The following MCC variants were observed in gnomAD, a reference collection of about 807,000 sequenced individuals.
The protein encoded by MCC is colorectal mutant cancer protein.
Under a neutral mutation model 116.2 loss-of-function variants are expected in MCC, and 90 were observed. The observed-to-expected ratio is 0.77, with a 90% confidence interval of 0.65 to 0.92. MCC has a LOEUF of 0.92. Among genes scored for constraint, MCC ranks in the 40% least tolerant of loss-of-function variants. The probability of loss-of-function intolerance (pLI) is 0.00; values close to 1 mark genes in which losing one functional copy is unlikely to be tolerated. For missense variants in MCC, 1,516 were observed against 1,312.2 expected (o/e 1.16, Z -2.40); for synonymous variants, 578 against 510.5 (o/e 1.13, Z -1.78).
intron 2 of MCC, among the ~76,000 whole-genome samples, chr5:113,348,021 A>G (rs1406736173): frequency 2.6e-5 from 4 of 152,038 alleles, no homozygotes; most frequent in Non-Finnish European, 4.4e-5. Context: ...GCAAGAGGAT[A>G]TAACAATTGT....
intron 3 of MCC, among the ~76,000 whole-genome samples, chr5:113,195,027 G>A (rs1270986592): frequency 6.6e-6 from 1 of 152,202 alleles, no homozygotes; most frequent in Non-Finnish European, 1.5e-5. Context: ...TGCCCCAGAA[G>A]CATCCATGCC....
At chr5:113,036,694 G>A (rs923967696) in intron 17 of MCC, among the ~76,000 whole-genome samples, 3 of 152,188 alleles carry the variant, frequency 2.0e-5, no homozygotes, top group Non-Finnish European at 4.4e-5. Context: ...AGTGGCTGCT[G>A]GGTGTTCCAG....
intron 1 of MCC, among the ~76,000 whole-genome samples, chr5:113,438,331 A>G (rs1770923179): frequency 6.6e-6 from 1 of 152,184 alleles, no homozygotes; most frequent in Non-Finnish European, 1.5e-5. Context: ...TGAGGCAATT[A>G]AGAGCATCAG....
intron 3 of MCC, among the ~76,000 whole-genome samples, chr5:113,284,083 G>GT (rs1272414056): frequency 2.6e-5 from 4 of 152,146 alleles, no homozygotes; most frequent in Admixed American, 6.5e-5. Flanking sequence ...ATTGACTTAT[G>GT]TTATCAGTAA....
intron 2 of MCC, among the ~76,000 whole-genome samples, chr5:113,362,210 A>T (rs2150385638): frequency 6.6e-6 from 1 of 151,986 alleles, no homozygotes; most frequent in East Asian, 1.9e-4. Flanking sequence ...ACCCAGCTGG[A>T]GTGCTGTGGT....
chr5:113,272,152 G>C (rs1765639940), intron 3 of MCC, among the ~76,000 whole-genome samples: 1 of 152,296 alleles, frequency 6.6e-6, no homozygotes, highest in South Asian at 2.1e-4. Flanking sequence ...AAATGGGTAA[G>C]GTTTAATTAT....
chr5:113,039,558 T>G (rs1751546133), intron 17 of MCC, among the ~76,000 whole-genome samples: 1 of 152,088 alleles, frequency 6.6e-6, no homozygotes, highest in South Asian at 2.1e-4. Flanking sequence ...GATAAACGAG[T>G]GGGCTCAGCT....
intron 5 of MCC, among the ~76,000 whole-genome samples, chr5:113,140,811 C>A (rs955344721): frequency 1.3e-5 from 2 of 152,146 alleles, no homozygotes; most frequent in African/African-American, 4.8e-5. Context: ...ATTCTGTAGA[C>A]CGTGGGTATG....
chr5:113,225,159 G>A (rs745432924), intron 3 of MCC, among the ~76,000 whole-genome samples: 11 of 152,152 alleles, frequency 7.2e-5, no homozygotes, highest in Non-Finnish European at 1.5e-4. Flanking sequence ...TTCTTACATA[G>A]AGTCAAAGAT....
chr5:113,049,203 C>T lies in MCC; in HGVS notation c.2545G>A (p.Ala849Thr). The T allele has an allele frequency of 6.2e-7, 1 of 1,614,158 alleles. No individual in the cohort carries two copies. The highest frequency in any genetic ancestry group is 1.3e-5 in the African/African-American group (1 of 75,066). Reference protein sequence around the residue: ...KLSTREAQEQAYLVHIEHLKS... With the variant: ...KLSTREAQEQTYLVHIEHLKS... The stretch of plus-strand genomic sequence containing the variant: ...AGGTGCTCAATGTGCACCAGGTAGG[C>T]CTGCTCCTGGGCCTCCCGCGTGCTC... Residue 849 changes from alanine (A) to threonine (T), a missense_variant, in exon 16 of 19, where the codon GCC becomes ACC. Coordinates refer to ENST00000408903, the MANE Select transcript of MCC (RefSeq NM_001085377.2).
At position 113,212,504 on chromosome 5, in the gene MCC, T is replaced by C. The variant is rs150159518; in HGVS notation, c.628-61082A>G. ...AAAAAGATCTCACGTTGCAGACAGC[T>C]TCACTATAATGTTAACATTCTTGGT... On this transcript the variant is annotated intron_variant, in intron 3 of 18. Transcript: ENST00000408903. Among the ~76,000 whole-genome samples the C allele has an allele frequency of 2.2e-4, 33 of 152,302 alleles. No individual in the cohort carries two copies. In the East Asian group the frequency reaches 6.4e-3, roughly 29 times the overall value.
intron 2 of MCC, among the ~76,000 whole-genome samples, chr5:113,358,694 C>A (rs1464429689): frequency 6.6e-6 from 1 of 152,160 alleles, no homozygotes; most frequent in East Asian, 1.9e-4. Context: ...CACATTGCCA[C>A]AAGAAGCATG....
chr5:113,243,809 C>G (rs1360173514), intron 3 of MCC, among the ~76,000 whole-genome samples: 1 of 152,226 alleles, frequency 6.6e-6, no homozygotes, highest in East Asian at 1.9e-4. Context: ...CCTCCGTTTG[C>G]CCAATGCTCT....
At chr5:113,036,963 T>G (rs1751370315) in intron 17 of MCC, among the ~76,000 whole-genome samples, 1 of 152,216 alleles carries the variant, frequency 6.6e-6, no homozygotes, top group Admixed American at 6.5e-5. Context: ...ACCCATGTGC[T>G]TTTATGGAAT....
chr5:113,186,508 AAAAC>A (rs965362161), intron 3 of MCC, among the ~76,000 whole-genome samples: 2 of 152,190 alleles, frequency 1.3e-5, no homozygotes, highest in African/African-American at 2.4e-5. Flanking sequence ...TTTTTCAACA[AAAAC>A]AAATCAAACC....
At chr5:113,060,738 A>G (rs539657063) in intron 14 of MCC, among the ~76,000 whole-genome samples, 1 of 152,358 alleles carries the variant, frequency 6.6e-6, no homozygotes, top group South Asian at 2.1e-4. Context: ...CTAAAAGGTA[A>G]GTGATGAGGA....
intron 11 of MCC, among the ~76,000 whole-genome samples, chr5:113,075,753 C>T (rs1429321829): frequency 6.6e-6 from 1 of 152,212 alleles, no homozygotes; most frequent in Non-Finnish European, 1.5e-5. Flanking sequence ...CTCGGGTGCC[C>T]TTCCATGCTG....
At chr5:113,264,429 G>A (rs564836967) in intron 3 of MCC, among the ~76,000 whole-genome samples, 10 of 152,308 alleles carry the variant, frequency 6.6e-5, no homozygotes, top group Non-Finnish European at 1.3e-4. Context: ...CCTCTCAAAG[G>A]TTAGTTAGGA....
chr5:113,059,021 C>T (rs970093152), intron 14 of MCC, among the ~76,000 whole-genome samples: 4 of 152,284 alleles, frequency 2.6e-5, no homozygotes, highest in South Asian at 4.1e-4. Context: ...CTAACACGAA[C>T]GCAGGCAGGC....
Sources: gnomAD v4.1 joint callset for allele counts (sites outside exome capture counted in the v4.1 genomes callset) on GRCh38, gnomAD v4.1.1 for gene constraint, MANE v1.5 for transcripts, NCBI Gene and HGNC (gene_info 2026-07-23, HGNC 2026-07-21) for gene names.